GMDS: variants seen among roughly 807,000 people sequenced by gnomAD.
GMDS encodes GDP-mannose 4,6-dehydratase, also known as GDP-mannose 4,6 dehydratase.
A neutral mutation model predicts 49.9 loss-of-function variants in GMDS; 20 were observed. The observed-to-expected ratio is 0.40, with a 90% CI of 0.28 to 0.58. The LOEUF is 0.58. Among genes scored for constraint, GMDS ranks in the 20% least tolerant of loss-of-function variants. The probability of loss-of-function intolerance (pLI) is 0.42; values close to 1 mark genes in which losing one functional copy is unlikely to be tolerated. For missense variants in GMDS, 362 were observed against 481.4 expected (o/e 0.75, Z 2.32); for synonymous variants, 177 against 178.6 (o/e 0.99, Z 0.07).
At chr6:1,751,963 A>T (rs565822372) in intron 7 of GMDS, among the ~76,000 whole-genome samples, 1 of 152,360 alleles carries the variant, frequency 6.6e-6, no homozygotes, top group African/African-American at 2.4e-5. Flanking sequence ...TCCAAAAACC[A>T]GAATGCCTCT....
intron 7 of GMDS, among the ~76,000 whole-genome samples, chr6:1,879,670 G>C (rs974408398): frequency 1.3e-5 from 2 of 151,914 alleles, no homozygotes; most frequent in Non-Finnish European, 2.9e-5. Context: ...TGTTAAAGCA[G>C]TATTGAAATC....
At chr6:2,053,222 T>C (rs1280362529) in intron 4 of GMDS, among the ~76,000 whole-genome samples, 1 of 152,188 alleles carries the variant, frequency 6.6e-6, no homozygotes, top group East Asian at 1.9e-4. Flanking sequence ...TTATATAAAA[T>C]GTAAATGGTA....
chr6:1,630,611 A>T (rs920998816), intron 9 of GMDS, among the ~76,000 whole-genome samples: 2 of 152,238 alleles, frequency 1.3e-5, no homozygotes, highest in Non-Finnish European at 2.9e-5. Context: ...GCCTACTCAT[A>T]GGTAGGTGTC....
In GMDS at chr6:1,836,751, C is replaced by T. The variant is rs1298372042; in HGVS notation, c.771+93352G>A. 6.6e-6 allele frequency among the ~76,000 whole-genome samples: 1 copy of T among 152,236 alleles called. No individual in the cohort carries two copies. Among genetic ancestry groups the T allele is most frequent in the African/African-American group, 2.4e-5 (1 of 41,462 alleles). On this transcript the variant is annotated intron_variant, in intron 7 of 10. Coordinates refer to ENST00000380815, the MANE Select transcript of GMDS (RefSeq NM_001500.4). The surrounding 1 kb of genome is among the most constrained non-coding windows in gnomAD (Gnocchi z 4.2). ...ACTCTATGGACTCTGGCAAACCCTT[C>T]ATTCTTTTGCAGCCAAGCTCTCATT... is the stretch of plus-strand genomic sequence containing the variant.
intron 7 of GMDS, among the ~76,000 whole-genome samples, chr6:1,909,711 C>T (rs1398897306): frequency 2.0e-5 from 3 of 152,228 alleles, no homozygotes; most frequent in African/African-American, 7.2e-5. Context: ...TTACTCCTTC[C>T]ACATGCAGGG....
intron 7 of GMDS, among the ~76,000 whole-genome samples, chr6:1,747,546 T>A (rs1018317547): frequency 1.3e-5 from 2 of 151,848 alleles, no homozygotes; most frequent in African/African-American, 4.8e-5. Context: ...AGAACATGTA[T>A]GAAATAACTC....
At chr6:1,724,735 C>A (rs1039298326) in intron 9 of GMDS, among the ~76,000 whole-genome samples, 2 of 152,228 alleles carry the variant, frequency 1.3e-5, no homozygotes, top group South Asian at 4.1e-4. Flanking sequence ...CAGCTCAGGG[C>A]TCCAGTCGGC....
chr6:1,831,375 A>G (rs1756634244), intron 7 of GMDS, among the ~76,000 whole-genome samples: 1 of 152,236 alleles, frequency 6.6e-6, no homozygotes, highest in Admixed American at 6.5e-5. Flanking sequence ...AGTCCAGATA[A>G]TCATTCCTTA....
intron 9 of GMDS, among the ~76,000 whole-genome samples, chr6:1,670,729 C>T (rs1266654298): frequency 6.6e-6 from 1 of 152,310 alleles, no homozygotes; most frequent in Non-Finnish European, 1.5e-5. Flanking sequence ...ACCATCTCCT[C>T]GTGCCTTTTG....
intron 4 of GMDS, among the ~76,000 whole-genome samples, chr6:2,049,569 T>A (rs1285990564): frequency 6.6e-6 from 1 of 152,216 alleles, no homozygotes; most frequent in Non-Finnish European, 1.5e-5. Context: ...TCTACATATG[T>A]GATCAAGGTA....
chr6:1,963,691 G>GC (rs1764099873), intron 4 of GMDS, among the ~76,000 whole-genome samples: 1 of 152,032 alleles, frequency 6.6e-6, no homozygotes, highest in Non-Finnish European at 1.5e-5. Context: ...ATCAGGAAAA[G>GC]CCATGGCCTT....
chr6:2,161,594 T>C (rs1298792589), intron 1 of GMDS, among the ~76,000 whole-genome samples: 1 of 152,220 alleles, frequency 6.6e-6, no homozygotes, highest in Non-Finnish European at 1.5e-5. Context: ...ATTTTCCACA[T>C]CTTAATAAAA....
At chr6:2,075,503 C>T (rs567356612) in intron 4 of GMDS, among the ~76,000 whole-genome samples, 16 of 152,206 alleles carry the variant, frequency 1.1e-4, no homozygotes, top group South Asian at 8.3e-4. Flanking sequence ...TGAGAACACG[C>T]GATGTTTGGT....
At chr6:1,698,787 CTTTT>C (rs10641587) in intron 9 of GMDS, among the ~76,000 whole-genome samples, 3 of 133,060 alleles carry the variant, frequency 2.3e-5, no homozygotes, top group African/African-American at 5.6e-5. Context: ...CCTGGTTTCC[CTTTT>C]TTTTTTTTTT....
chr6:2,016,316 A>G (rs2127400376), intron 4 of GMDS, among the ~76,000 whole-genome samples: 1 of 152,040 alleles, frequency 6.6e-6, no homozygotes, highest in African/African-American at 2.4e-5. Flanking sequence ...TCCAGAAAAC[A>G]AACAAACAAC....
chr6:1,900,837 T>C lies in GMDS; in HGVS notation c.771+29266A>G, dbSNP rs181146082. ...AAGTGTACCTTCTAGTCTAAAATGTTATACTTTGAAAATGTATGTTCCCTT... is the reference window on the plus strand; with the variant it reads ...AAGTGTACCTTCTAGTCTAAAATGTCATACTTTGAAAATGTATGTTCCCTT... On this transcript the variant is annotated intron_variant, in intron 7 of 10. Transcript: ENST00000380815. 2.5e-3 allele frequency among the ~76,000 whole-genome samples: 374 copies of C among 152,336 alleles called. 5 individuals are homozygous for C. The highest frequency in any genetic ancestry group is 8.6e-3 in the African/African-American group (357 of 41,562).
At chr6:1,986,123 A>G (rs1339429077) in intron 4 of GMDS, among the ~76,000 whole-genome samples, 1 of 152,224 alleles carries the variant, frequency 6.6e-6, no homozygotes, top group Non-Finnish European at 1.5e-5. Flanking sequence ...CTTTCCTTGA[A>G]GATTTATTTT....
intron 9 of GMDS, among the ~76,000 whole-genome samples, chr6:1,644,056 T>C (rs1196389869): frequency 6.6e-6 from 1 of 152,150 alleles, no homozygotes; most frequent in African/African-American, 2.4e-5. Flanking sequence ...GCGCTGTGAC[T>C]GACATTGCCC....
chr6:1,899,573 A>T (rs1188978494), intron 7 of GMDS, among the ~76,000 whole-genome samples: 1 of 152,258 alleles, frequency 6.6e-6, no homozygotes. Flanking sequence ...CCGGTGGGCC[A>T]TTCCAGGAGA....
Sources: allele counts gnomAD v4.1 joint callset (sites outside exome capture counted in the v4.1 genomes callset), GRCh38; gene constraint gnomAD v4.1.1; non-coding constraint Gnocchi (gnomAD v3.1); transcripts MANE v1.5; gene names NCBI Gene and HGNC (gene_info 2026-07-23, HGNC 2026-07-21).